CACUL1: variants seen among roughly 807,000 people sequenced by gnomAD.
CACUL1 encodes CDK2-associated and cullin domain-containing protein 1.
CACUL1 carries 13 observed loss-of-function variants against 45.2 expected under a neutral mutation model. The ratio of observed to expected loss-of-function variants is 0.29; its 90% CI spans 0.19 to 0.46. CACUL1 has a LOEUF of 0.46. CACUL1 is among the 20% of genes least tolerant of loss of function. The pLI, the probability that CACUL1 is intolerant of heterozygous loss-of-function variation, is 1.00. For synonymous variants in CACUL1, 197 were observed against 174.2 expected (o/e 1.13, Z -1.03); for missense variants, 421 against 471.4 (o/e 0.89, Z 0.99).
Position 118,678,580 on chromosome 10 carries a change from T to A in CACUL1, c.*7548A>T, listed in dbSNP as rs1845119803. ...GTTGAGATTTAGATAATATTGAGTG[T>A]TATCCCTTATATTCTCTACACTTAT... On this transcript the variant is annotated 3_prime_UTR_variant, in exon 9 of 9. Coordinates refer to ENST00000369151, the MANE Select transcript of CACUL1 (RefSeq NM_153810.5). 1 of 152,236 alleles carries A rather than the reference T, an allele frequency of 6.6e-6. No homozygotes were observed. The highest frequency in any genetic ancestry group is 1.5e-5 in the Non-Finnish European group (1 of 68,040). 9.4% of individuals were successfully genotyped at this position (152,236 alleles called of 1,614,324 possible).
In CACUL1 at chr10:118,754,548, T is replaced by C. The variant is rs777428994; in HGVS notation, c.215A>G (p.Glu72Gly). Reference protein sequence around the residue: ...AVSVDRKGPKEGLPMGPQPPP... With the variant: ...AVSVDRKGPKGGLPMGPQPPP... The stretch of plus-strand genomic sequence containing the variant: ...TGGCTGCGGCCCCATCGGGAGCCCC[T>C]CCTTGGGGCCTTTCCTGTCCACGGA... Residue 72 changes from glutamate (E) to glycine (G), a missense_variant, in exon 1 of 9, where the codon GAG (glutamate) becomes GGG (glycine). By Grantham distance (98) the Glu-to-Gly change is moderately conservative. Transcript: ENST00000369151. 8 of 1,612,164 alleles carry C rather than the reference T, an allele frequency of 5.0e-6. No individual in the cohort carries two copies. In the African/African-American group the frequency reaches 1.1e-4, roughly 22 times the overall value.
intron 3 of CACUL1, among the ~76,000 whole-genome samples, chr10:118,727,237 T>TA (rs1162151085): frequency 1.3e-5 from 2 of 151,142 alleles, no homozygotes; most frequent in Non-Finnish European, 3.0e-5. Context: ...GCAAAAAACA[T>TA]AAAAAATTTG....
chr10:118,726,071 G>A (rs186108540), intron 3 of CACUL1, among the ~76,000 whole-genome samples: 24 of 152,050 alleles, frequency 1.6e-4, no homozygotes. Flanking sequence ...CTCCTCCCAC[G>A]CTCTTATTTT....
rs1845100380 is a variant in CACUL1, at chr10:118,676,681, G to T, written c.*9447C>A. The T allele has an allele frequency of 6.6e-6, 1 of 152,032 alleles. No homozygotes were observed. The highest frequency in any genetic ancestry group is 2.4e-5 in the African/African-American group (1 of 41,400). 9.4% of individuals were successfully genotyped at this position (152,032 alleles called of 1,614,324 possible). A position where few individuals can be genotyped will look rare whatever the true frequency, so the allele number is the denominator to read the frequency against. On this transcript the variant is annotated 3_prime_UTR_variant, in exon 9 of 9. Coordinates refer to ENST00000369151, the MANE Select transcript of CACUL1 (RefSeq NM_153810.5). ...TTTTTAATCATGACTCTCTCTAAAA[G>T]AACATTTTTTTAGAAAGAGCAAAGG...
chr10:118,754,513 C>T lies in CACUL1; in HGVS notation c.250G>A (p.Ala84Thr). Residue 84 changes from alanine (A) to threonine (T), a missense_variant, in exon 1 of 9, where the codon GCT becomes ACT. Coordinates refer to ENST00000369151, the MANE Select transcript of CACUL1 (RefSeq NM_153810.5). ...LPMGPQPPPEANGVIMMLKSC... is the reference protein window; with the variant it reads ...LPMGPQPPPETNGVIMMLKSC... The stretch of plus-strand genomic sequence containing the variant: ...TTCAACATCATGATCACCCCATTAG[C>T]CTCCGGCGGTGGCTGCGGCCCCATC... 6.2e-7 allele frequency: 1 copy of T among 1,613,286 alleles called. No individual in the cohort carries two copies. The highest frequency in any genetic ancestry group is 8.5e-7 in the Non-Finnish European group (1 of 1,179,640).
chr10:118,709,269 T>C (rs1235537739), intron 3 of CACUL1, among the ~76,000 whole-genome samples: 1 of 152,130 alleles, frequency 6.6e-6, no homozygotes, highest in African/African-American at 2.4e-5. Flanking sequence ...CGTGGATAAG[T>C]GGACCTACAC....
At chr10:118,718,785 G>C (rs1430260996) in intron 3 of CACUL1, among the ~76,000 whole-genome samples, 1 of 151,914 alleles carries the variant, frequency 6.6e-6, no homozygotes, top group African/African-American at 2.4e-5. Context: ...GTGTTAGCCA[G>C]GATGGTCTCG....
intron 3 of CACUL1, among the ~76,000 whole-genome samples, chr10:118,714,821 T>C (rs902010553): frequency 6.6e-5 from 10 of 152,196 alleles, no homozygotes; most frequent in African/African-American, 2.2e-4. Flanking sequence ...TTAATGAAAA[T>C]GGCTTCCTCA....
intron 1 of CACUL1, among the ~76,000 whole-genome samples, chr10:118,752,449 G>T (rs1263011860): frequency 6.6e-6 from 1 of 152,284 alleles, no homozygotes; most frequent in South Asian, 2.1e-4. Context: ...AGCTAAATTA[G>T]ATAAGTAGAT....
chr10:118,718,545 G>A (rs1248762262), intron 3 of CACUL1, among the ~76,000 whole-genome samples: 1 of 152,122 alleles, frequency 6.6e-6, no homozygotes, highest in Non-Finnish European at 1.5e-5. Flanking sequence ...AACACCTCAC[G>A]GCCCGTGAAG....
rs528571386 is a variant in CACUL1, at chr10:118,754,827, C to T, written c.-65G>A. 78 of 1,497,452 alleles carry T rather than the reference C, an allele frequency of 5.2e-5. No homozygotes were observed. In the East Asian group the frequency reaches 1.5e-3, roughly 28 times the overall value. The allele number at this position is 1,497,452 out of a possible 1,614,324, so 92.8% of individuals were successfully genotyped here. A position where few individuals can be genotyped will look rare whatever the true frequency, so the allele number is the denominator to read the frequency against. On this transcript the variant is annotated 5_prime_UTR_variant, in exon 1 of 9. Transcript: ENST00000369151. Reference sequence around the variant, plus strand: ...GCCGCCTGTCTCAACCCCGGGCCAGCGGGCACCGCTGCCTCCCCGAGTTAC... The same window carrying T: ...GCCGCCTGTCTCAACCCCGGGCCAGTGGGCACCGCTGCCTCCCCGAGTTAC...
rs1443136149 is a variant in CACUL1 at position 118,677,906 on chromosome 10, T to G, written c.*8222A>C. On this transcript the variant is annotated 3_prime_UTR_variant, in exon 9 of 9. Transcript: ENST00000369151. ...AAGAGGTGCCTATGCTCAATTTCAT[T>G]AGATAATACTGTTCTCCAAAGTAGA... The G allele has an allele frequency of 2.6e-5, 4 of 152,216 alleles. No homozygotes were observed. The highest frequency in any genetic ancestry group is 2.6e-4 in the Admixed American group (4 of 15,288). 9.4% of individuals were successfully genotyped at this position (152,216 alleles called of 1,614,324 possible).
At chr10:118,711,423 G>A (rs1845484690) in intron 3 of CACUL1, among the ~76,000 whole-genome samples, 1 of 152,204 alleles carries the variant, frequency 6.6e-6, no homozygotes, top group Admixed American at 6.5e-5. Context: ...AAAGAACTTG[G>A]TGAAAATGGT....
Position 118,683,010 on chromosome 10 carries a change from T to G in CACUL1, c.*3118A>C, listed in dbSNP as rs917071465. The G allele has an allele frequency of 6.6e-6, 1 of 152,150 alleles. No individual in the cohort carries two copies. Among genetic ancestry groups the G allele is most frequent in the African/African-American group, 2.4e-5 (1 of 41,426 alleles). The allele number at this position is 152,150 out of a possible 1,614,324, so 9.4% of individuals were successfully genotyped here. On this transcript the variant is annotated 3_prime_UTR_variant, in exon 9 of 9. Transcript: ENST00000369151. Reference sequence around the variant, plus strand: ...TAGGATAAAAGTCACAACACCAGGTTTTGCTTTCTGCCCCACAAAAAAACA... The same window carrying G: ...TAGGATAAAAGTCACAACACCAGGTGTTGCTTTCTGCCCCACAAAAAAACA...
chr10:118,708,516 A>G (rs1355440210), intron 3 of CACUL1, among the ~76,000 whole-genome samples: 2 of 152,190 alleles, frequency 1.3e-5, no homozygotes, highest in Non-Finnish European at 2.9e-5. Context: ...TCATAAAACC[A>G]TCAAGAGAGA....
At chr10:118,693,519 T>C (rs545516069) in intron 6 of CACUL1, 76 of 285,682 alleles carry the variant, frequency 2.7e-4, no homozygotes, top group African/African-American at 1.6e-3. Context: ...CTGGATAAAA[T>C]AGCATTTAGA....
intron 3 of CACUL1, among the ~76,000 whole-genome samples, chr10:118,713,616 G>T (rs957878426): frequency 6.6e-6 from 1 of 152,164 alleles, no homozygotes; most frequent in African/African-American, 2.4e-5. Context: ...GTATTCATCT[G>T]GTTTAAAATT....
Position 118,729,281 on chromosome 10 carries a change from A to G in CACUL1, c.597+14T>C. The G allele has an allele frequency of 6.3e-7, 1 of 1,592,584 alleles. No homozygotes were observed. Among genetic ancestry groups the G allele is most frequent in the Non-Finnish European group, 8.6e-7 (1 of 1,161,270 alleles). On this transcript the variant is annotated intron_variant, in intron 3 of 8. Coordinates refer to ENST00000369151, the MANE Select transcript of CACUL1 (RefSeq NM_153810.5). Reference sequence around the variant, plus strand: ...AACCCAAGGAAGCAAAAATCAATACAATCAGTTCTTTACCTGCAGCTCCTT... The same window carrying G: ...AACCCAAGGAAGCAAAAATCAATACGATCAGTTCTTTACCTGCAGCTCCTT...
chr10:118,696,067 C>T (rs924162285), intron 5 of CACUL1, among the ~76,000 whole-genome samples: 1 of 152,170 alleles, frequency 6.6e-6, no homozygotes, highest in Non-Finnish European at 1.5e-5. Context: ...AAGAGAAATG[C>T]CATCTTACTA....
Sources: gnomAD v4.1 joint callset for allele counts (sites outside exome capture counted in the v4.1 genomes callset) on GRCh38, gnomAD v4.1.1 for gene constraint, MANE v1.5 for transcripts, NCBI Gene and HGNC (gene_info 2026-07-23, HGNC 2026-07-21) for gene names.